Variants in PLAGL1 observed in about 807,000 individuals in gnomAD.
The protein encoded by PLAGL1 is zinc finger protein PLAGL1.
Under a neutral mutation model 4.6 loss-of-function variants are expected in PLAGL1, and 1 was observed. The ratio of observed to expected loss-of-function variants is 0.22; its 90% CI spans 0.08 to 1.03. PLAGL1 has a LOEUF of 1.03. Ranked by LOEUF, PLAGL1 falls within the 50% of genes least tolerant of loss-of-function variation. The pLI, the probability that PLAGL1 is intolerant of heterozygous loss-of-function variation, is 0.58. For synonymous variants in PLAGL1, 240 were observed against 237.8 expected, an observed-to-expected ratio of 1.01 and a Z score of -0.08; for missense variants, 464 against 570.4, an observed-to-expected ratio of 0.81 and a Z score of 1.90.
chr6:143,985,600 T>A lies in PLAGL1; in HGVS notation c.-583-426A>T, dbSNP rs1431495198. 1.3e-5 allele frequency among the ~76,000 whole-genome samples: 2 copies of A among 152,174 alleles called. No homozygotes were observed. The highest frequency in any genetic ancestry group is 4.8e-5 in the African/African-American group (2 of 41,454). On this transcript the variant is annotated intron_variant, in intron 1 of 7. Transcript: ENST00000674357. The surrounding 1 kb of genome is among the most constrained non-coding windows in gnomAD (Gnocchi z 4.4). The stretch of plus-strand genomic sequence containing the variant: ...ATAACAGCCATTTACAAAAAGTATT[T>A]CATTCCTTGTCCATAGTTCTATGTC...
At chr6:144,001,839 A>AT (rs1250771517) in intron 1 of PLAGL1, among the ~76,000 whole-genome samples, 4 of 152,188 alleles carry the variant, frequency 2.6e-5, no homozygotes, top group Non-Finnish European at 1.5e-5. Context: ...AAAACATCAG[A>AT]TAAATCCAAA....
Position 143,971,158 on chromosome 6 carries a change from T to C in PLAGL1, c.-543-2180A>G, listed in dbSNP as rs976597467. Among the ~76,000 whole-genome samples the C allele has an allele frequency of 4.6e-5, 7 of 152,106 alleles. No homozygotes were observed. Among genetic ancestry groups the C allele is most frequent in the African/African-American group, 2.4e-5 (1 of 41,440 alleles). ...GAGAGTCTACCAATGATCAAAGTCA[T>C]GGTAATTTTTCTGTTTCATGAGAAA... On this transcript the variant is annotated intron_variant, in intron 2 of 7. Coordinates refer to ENST00000674357, the MANE Select transcript of PLAGL1 (RefSeq NM_001317162.2). This position sits in a 1 kb window ranked among gnomAD's most constrained non-coding sequence, Gnocchi z 4.7.
At position 143,948,874 on chromosome 6, in the gene PLAGL1, G is replaced by T. The variant is rs886943891; in HGVS notation, c.-324-414C>A. On this transcript the variant is annotated intron_variant, in intron 6 of 7. Transcript: ENST00000674357. The surrounding 1 kb of genome is among the most constrained non-coding windows in gnomAD (Gnocchi z 6.0). ...AATCACCCACACTTACTCAAACCAC[G>T]GGCTCTTCCTCATCACTCATTGTTG... 6.6e-6 allele frequency among the ~76,000 whole-genome samples: 1 copy of T among 152,054 alleles called. No homozygotes were observed. Among genetic ancestry groups the T allele is most frequent in the Non-Finnish European group, 1.5e-5 (1 of 68,030 alleles).
At position 143,950,072 on chromosome 6, in the gene PLAGL1, C is replaced by T. The variant is rs957346071; in HGVS notation, c.-324-1612G>A. Among the ~76,000 whole-genome samples the T allele has an allele frequency of 5.3e-5, 8 of 152,112 alleles. No individual in the cohort carries two copies. Among genetic ancestry groups the T allele is most frequent in the Admixed American group, 1.3e-4 (2 of 15,272 alleles). On this transcript the variant is annotated intron_variant, in intron 6 of 7. Coordinates refer to ENST00000674357, the MANE Select transcript of PLAGL1 (RefSeq NM_001317162.2). This position sits in a 1 kb window ranked among gnomAD's most constrained non-coding sequence, Gnocchi z 6.3. ...GTTTTCAGTGTCTGGACAGAGTTCG[C>T]GGTACCAAGCAAATACCCCTCACCA...
rs148598184 is a variant in PLAGL1 at position 143,944,133 on chromosome 6, C to A, written c.153-1470G>T. Among the ~76,000 whole-genome samples the A allele has an allele frequency of 2.0e-3, 302 of 152,314 alleles. 5 individuals carry two copies. Among genetic ancestry groups the A allele is most frequent in the East Asian group, 0.015 (76 of 5,188 alleles). On this transcript the variant is annotated intron_variant, in intron 7 of 7. Transcript: ENST00000674357. Reference sequence around the variant, plus strand: ...CTGACAATTTAAGTGCAGTTGTACCCTGTGAGCTTTCACGTTAGATACAGA... The same window carrying A: ...CTGACAATTTAAGTGCAGTTGTACCATGTGAGCTTTCACGTTAGATACAGA...
rs1191622646 is a variant in PLAGL1 at position 143,950,527 on chromosome 6, A to G, written c.-324-2067T>C. ...TATAAAACACACTCATTCACTTAGA[A>G]TTGCTCTGTGTTCTTTCTAGGTTTA... On this transcript the variant is annotated intron_variant, in intron 6 of 7. Coordinates refer to ENST00000674357, the MANE Select transcript of PLAGL1 (RefSeq NM_001317162.2). This position sits in a 1 kb window ranked among gnomAD's most constrained non-coding sequence, Gnocchi z 6.3. Among the ~76,000 whole-genome samples, 2 of 152,188 alleles carry G rather than the reference A, an allele frequency of 1.3e-5. No homozygotes were observed. Among genetic ancestry groups the G allele is most frequent in the Non-Finnish European group, 2.9e-5 (2 of 68,020 alleles).
At chr6:144,020,314 C>T (rs116394298) in intron 1 of PLAGL1, among the ~76,000 whole-genome samples, 2,629 of 151,766 alleles carry the variant, frequency 0.017, 79 homozygotes, top group African/African-American at 0.06. Context: ...TAGACGGAGT[C>T]GCTCGCCCTG....
At chr6:144,021,841 C>A (rs1482600371) in intron 1 of PLAGL1, among the ~76,000 whole-genome samples, 7 of 152,172 alleles carry the variant, frequency 4.6e-5, no homozygotes, top group Non-Finnish European at 1.0e-4. Flanking sequence ...ACATTGGTAG[C>A]ATTCCAGAAA....
chr6:143,950,764 T>C lies in PLAGL1; in HGVS notation c.-324-2304A>G, dbSNP rs1285156797. ...TCTCAGTAAGTTGATTCTCCCCAAT[T>C]CTTGCTTTATGAGATGACTGGCATG... On this transcript the variant is annotated intron_variant, in intron 6 of 7. Coordinates refer to ENST00000674357, the MANE Select transcript of PLAGL1 (RefSeq NM_001317162.2). This position sits in a 1 kb window ranked among gnomAD's most constrained non-coding sequence, Gnocchi z 6.3. Among the ~76,000 whole-genome samples, 1 of 152,154 alleles carries C rather than the reference T, an allele frequency of 6.6e-6. No homozygotes were observed. The highest frequency in any genetic ancestry group is 2.4e-5 in the African/African-American group (1 of 41,424).
At position 143,954,193 on chromosome 6, in the gene PLAGL1, T is replaced by A. The variant is rs1414271644; in HGVS notation, c.-324-5733A>T. ...CCCACCTAAGTATACAAAGCTCCCA[T>A]CAGCTCTTTACTGGCTTGACTCACA... On this transcript the variant is annotated intron_variant, in intron 6 of 7. Coordinates refer to ENST00000674357, the MANE Select transcript of PLAGL1 (RefSeq NM_001317162.2). The surrounding 1 kb of genome is among the most constrained non-coding windows in gnomAD (Gnocchi z 5.1). Among the ~76,000 whole-genome samples the A allele has an allele frequency of 6.6e-6, 1 of 152,052 alleles. No individual in the cohort carries two copies. Among genetic ancestry groups the A allele is most frequent in the African/African-American group, 2.4e-5 (1 of 41,378 alleles).
chr6:143,942,534 C>T lies in PLAGL1; in HGVS notation c.282G>A (p.Glu94=), dbSNP rs761345864. 1.2e-6 allele frequency: 2 copies of T among 1,614,044 alleles called. No homozygotes were observed. The highest frequency in any genetic ancestry group is 2.2e-5 in the East Asian group (1 of 44,864). ...TGGTGTTGTACTTCTTCCCACACTC[C>T]TCACACCCAAAGGCCATTTTGTTGG... is the stretch of plus-strand genomic sequence containing the variant. ...HDPNKMAFGC[E]ECGKKYNTML... is the part of the protein sequence containing the mutation. The change falls in exon 8 of 8, where the codon GAG becomes GAA. Residue 94 remains glutamate (E), a synonymous_variant. Transcript: ENST00000674357. This position sits in a 1 kb window ranked among gnomAD's most constrained non-coding sequence, Gnocchi z 7.6.
At position 144,055,668 on chromosome 6, in the gene PLAGL1, G is replaced by A. The variant is rs78430069; in HGVS notation, c.-151+8800C>T. On this transcript the variant is annotated intron_variant, in intron 1 of 3. Coordinates refer to the PLAGL1 transcript ENST00000437412. The surrounding 1 kb of genome is among the most constrained non-coding windows in gnomAD (Gnocchi z 5.0). Reference sequence around the variant, plus strand: ...CCTTAGCAAAGTTTTGGGTCTTAGTGAAGGGAAACATGTATGTGCTCATCT... The same window carrying A: ...CCTTAGCAAAGTTTTGGGTCTTAGTAAAGGGAAACATGTATGTGCTCATCT... Among the ~76,000 whole-genome samples, 10,871 of 152,226 alleles carry A rather than the reference G, an allele frequency of 0.071. 611 individuals carry two copies. The highest frequency in any genetic ancestry group is 0.2 in the Admixed American group (3,090 of 15,286).
At chr6:144,003,893 C>T (rs1239092276) in intron 1 of PLAGL1, among the ~76,000 whole-genome samples, 1 of 152,172 alleles carries the variant, frequency 6.6e-6, no homozygotes, top group Admixed American at 6.5e-5. Flanking sequence ...CAATTCAACT[C>T]CTTGGTATAT....
chr6:144,060,763 T>A (rs1195115714), intron 1 of PLAGL1, among the ~76,000 whole-genome samples: 2 of 152,146 alleles, frequency 1.3e-5, no homozygotes, highest in Non-Finnish European at 2.9e-5. Context: ...ACATCCCTCA[T>A]CTCCATATAG....
chr6:143,940,657 C>CAATA lies in PLAGL1; in HGVS notation c.*763_*766dup, dbSNP rs1778390586. 2.6e-5 allele frequency: 4 copies of CAATA among 151,384 alleles called. No homozygotes were observed. Among genetic ancestry groups the CAATA allele is most frequent in the Admixed American group, 2.6e-4 (4 of 15,150 alleles). The allele number at this position is 151,384 out of a possible 1,614,324, so 9.4% of individuals were successfully genotyped here. On this transcript the variant is annotated 3_prime_UTR_variant, in exon 8 of 8. Transcript: ENST00000674357. ...CTTAAATTCCTGTTAAAAATATAAT[C>CAATA]AATATTAAAGTCAGCAAAATGCCTT...
chr6:143,942,552 T>TTTG lies in PLAGL1; in HGVS notation c.261_263dup (p.Asn87dup), dbSNP rs766108577. On this transcript the variant is annotated inframe_insertion, in exon 8 of 8. Transcript: ENST00000674357. This position sits in a 1 kb window ranked among gnomAD's most constrained non-coding sequence, Gnocchi z 7.6. ...CACACTCCTCACACCCAAAGGCCAT[T>TTTG]TTGTTGGGGTCGTGGGTCTGGAGGT... is the stretch of plus-strand genomic sequence containing the variant. The TTTG allele has an allele frequency of 6.2e-7, 1 of 1,613,982 alleles. No homozygotes were observed. Among genetic ancestry groups the TTTG allele is most frequent in the Non-Finnish European group, 8.5e-7 (1 of 1,179,984 alleles).
intron 1 of PLAGL1, among the ~76,000 whole-genome samples, chr6:144,040,680 C>A (rs1242026932): frequency 6.6e-6 from 1 of 152,138 alleles, no homozygotes; most frequent in Non-Finnish European, 1.5e-5. Context: ...AGTTCGAGAC[C>A]AGTCTGGCCA....
Position 143,957,023 on chromosome 6 carries a change from A to G in PLAGL1, c.-325+3446T>C, listed in dbSNP as rs1318061937. 2.0e-5 allele frequency among the ~76,000 whole-genome samples: 3 copies of G among 152,250 alleles called. No homozygotes were observed. The highest frequency in any genetic ancestry group is 7.2e-5 in the African/African-American group (3 of 41,470). ...GAAAGGGCCAAAGGCCTTCTTCCAG[A>G]TGGGTCATCCAGTATAGTACCCACC... On this transcript the variant is annotated intron_variant, in intron 6 of 7. Transcript: ENST00000674357. This position sits in a 1 kb window ranked among gnomAD's most constrained non-coding sequence, Gnocchi z 4.2.
Position 143,964,900 on chromosome 6 carries a change from A to AG in PLAGL1, c.-430-83dup, listed in dbSNP as rs1562446496. On this transcript the variant is annotated intron_variant, in intron 4 of 7. Coordinates refer to ENST00000674357, the MANE Select transcript of PLAGL1 (RefSeq NM_001317162.2). This position sits in a 1 kb window ranked among gnomAD's most constrained non-coding sequence, Gnocchi z 4.3. ...TTGCTAAAACAAACAAAAACACCCAAGTGGGGGGGGAACGGAAGTCTACTT... is the reference window on the plus strand; with the variant it reads ...TTGCTAAAACAAACAAAAACACCCAAGGTGGGGGGGGAACGGAAGTCTACTT... 1.3e-5 allele frequency: 2 copies of AG among 152,196 alleles called. No individual in the cohort carries two copies. The highest frequency in any genetic ancestry group is 3.9e-4 in the East Asian group (2 of 5,170). 9.4% of individuals were successfully genotyped at this position (152,196 alleles called of 1,614,324 possible).
Sources: gnomAD v4.1 joint callset for allele counts (sites outside exome capture counted in the v4.1 genomes callset) on GRCh38, gnomAD v4.1.1 for gene constraint, Gnocchi (gnomAD v3.1) non-coding constraint, MANE v1.5 for transcripts, NCBI Gene and HGNC (gene_info 2026-07-23, HGNC 2026-07-21) for gene names.